The following FARP1 variants were observed in gnomAD, a reference collection of about 807,000 sequenced individuals.
FARP1 encodes FERM, ARHGEF and pleckstrin domain-containing protein 1.
Under a neutral mutation model 128.8 loss-of-function variants are expected in FARP1, and 52 were observed. That is an observed-to-expected ratio of 0.40 (90% CI 0.32 to 0.51). The LOEUF is 0.51. Ranked by LOEUF, FARP1 falls within the 20% of genes least tolerant of loss-of-function variation. The probability of loss-of-function intolerance (pLI) is 0.45; values close to 1 mark genes in which losing one functional copy is unlikely to be tolerated. For synonymous variants in FARP1, 580 were observed against 551.8 expected, an observed-to-expected ratio of 1.05 and a Z score of -0.72; for missense variants, 1,333 against 1,367.9, an observed-to-expected ratio of 0.97 and a Z score of 0.40.
At chr13:98,383,973 A>G (rs1199889841) in intron 6 of FARP1, 3 of 152,228 alleles carry the variant, frequency 2.0e-5, no homozygotes, top group Non-Finnish European at 4.4e-5. Flanking sequence ...TTTTCTCTGC[A>G]TGATAAAGCA....
Position 98,439,142 on chromosome 13 carries a change from G to T in FARP1, c.2379G>T (p.Leu793=). 2 of 1,614,000 alleles carry T rather than the reference G, an allele frequency of 1.2e-6. No individual in the cohort carries two copies. The highest frequency in any genetic ancestry group is 1.7e-6 in the Non-Finnish European group (2 of 1,179,940). The part of the protein sequence containing the change: ...NDVLLYTSRG[L]TASNQFKVHG... The stretch of plus-strand genomic sequence containing the variant: ...TCCTGCTATACACGAGCCGGGGGCT[G>T]ACGGCCTCCAATCAGTTTAAAGTCC... Residue 793 remains leucine, a synonymous_variant, in exon 21 of 27, where the codon CTG becomes CTT. Transcript: ENST00000319562.
At chr13:98,395,955 TAG>T (rs1890523742) in intron 13 of FARP1, 2 of 399,254 alleles carry the variant, frequency 5.0e-6, no homozygotes, top group Admixed American at 4.4e-5. Context: ...GACATGACCA[TAG>T]AGAGGGGAGT....
intron 2 of FARP1, among the ~76,000 whole-genome samples, chr13:98,276,073 C>G (rs1884642022): frequency 6.6e-6 from 1 of 152,168 alleles, no homozygotes; most frequent in Non-Finnish European, 1.5e-5. Context: ...TTCATGTTGA[C>G]ATCTCTGCAT....
At position 98,440,647 on chromosome 13, in the gene FARP1, C is replaced by A. The variant is rs371510294; in HGVS notation, c.2630-23C>A. ...GCGCTGGGAGGAAAGATCAGAAGTG[C>A]TGCCTTTTGCCCCATCCTGTAGAGT... is the stretch of plus-strand genomic sequence containing the variant. On this transcript the variant is annotated intron_variant, in intron 23 of 26. Transcript: ENST00000319562. 8 of 1,594,318 alleles carry A rather than the reference C, an allele frequency of 5.0e-6. No individual in the cohort carries two copies. The East Asian group carries it at 1.6e-4, about 31-fold the overall frequency.
intron 2 of FARP1, among the ~76,000 whole-genome samples, chr13:98,238,211 C>T (rs996169919): frequency 6.6e-6 from 1 of 152,204 alleles, no homozygotes; most frequent in South Asian, 2.1e-4. Flanking sequence ...GAAAGCATAT[C>T]TGCGAAACAG....
intron 2 of FARP1, among the ~76,000 whole-genome samples, chr13:98,326,112 T>C (rs985792923): frequency 3.3e-5 from 5 of 152,212 alleles, no homozygotes; most frequent in African/African-American, 9.6e-5. Flanking sequence ...CTTCGTCTGC[T>C]TGGTAATGAA....
At chr13:98,277,890 T>G (rs1228391993) in intron 2 of FARP1, among the ~76,000 whole-genome samples, 1 of 152,206 alleles carries the variant, frequency 6.6e-6, no homozygotes, top group Non-Finnish European at 1.5e-5. Flanking sequence ...GGCATTGTTA[T>G]TTCTGAAAAG....
chr13:98,258,946 G>A (rs1883741425), intron 2 of FARP1, among the ~76,000 whole-genome samples: 1 of 152,160 alleles, frequency 6.6e-6, no homozygotes, highest in East Asian at 1.9e-4. Flanking sequence ...GGTGGCTCAC[G>A]CCTGTAATCC....
At chr13:98,396,097 C>T in intron 13 of FARP1, 3 of 399,124 alleles carry the variant, frequency 7.5e-6, no homozygotes, top group East Asian at 3.6e-5. Flanking sequence ...CATCCTTAGC[C>T]AGGTAGCATT....
At chr13:98,441,981 A>T (rs1481512437) in intron 24 of FARP1, among the ~76,000 whole-genome samples, 1 of 152,154 alleles carries the variant, frequency 6.6e-6, no homozygotes, top group African/African-American at 2.4e-5. Flanking sequence ...TGTGTTTCAG[A>T]ACACTTCAAG....
chr13:98,301,082 G>C (rs1885904058), intron 2 of FARP1, among the ~76,000 whole-genome samples: 1 of 152,174 alleles, frequency 6.6e-6, no homozygotes, highest in South Asian at 2.1e-4. Flanking sequence ...GGCATCTTGA[G>C]GAAAGAGGCC....
chr13:98,190,061 C>T (rs558123478), intron 1 of FARP1, among the ~76,000 whole-genome samples: 2 of 152,322 alleles, frequency 1.3e-5, no homozygotes, highest in Admixed American at 6.5e-5. Flanking sequence ...CCCCCTCATC[C>T]CTGCACCGTT....
rs182669882 is a variant in FARP1, at chr13:98,331,898, C to T, written c.172-11864C>T. 4 of 152,286 alleles carry T rather than the reference C, an allele frequency of 2.6e-5. No homozygotes were observed. The East Asian group carries it at 7.7e-4, about 29-fold the overall frequency. The allele number at this position is 152,286 out of a possible 1,614,324, so 9.4% of individuals were successfully genotyped here. ...ACAGTTTTGCGCCTAATAGTAATAGCTTCATCTGTTGAAAATGACATCAAA... is the reference window on the plus strand; with the variant it reads ...ACAGTTTTGCGCCTAATAGTAATAGTTTCATCTGTTGAAAATGACATCAAA... On this transcript the variant is annotated intron_variant, in intron 2 of 26. Coordinates refer to ENST00000319562, the MANE Select transcript of FARP1 (RefSeq NM_005766.4).
At chr13:98,313,142 T>TA (rs1886555919) in intron 2 of FARP1, among the ~76,000 whole-genome samples, 1 of 81,496 alleles carries the variant, frequency 1.2e-5, no homozygotes, top group African/African-American at 4.6e-5. Context: ...ACACACACAC[T>TA]CACTCGAATC....
At chr13:98,168,171 CAAAA>C (rs61061654) in intron 1 of FARP1, among the ~76,000 whole-genome samples, 2 of 140,356 alleles carry the variant, frequency 1.4e-5, no homozygotes, top group African/African-American at 5.3e-5. Context: ...GACTCCATCT[CAAAA>C]AAAAAAAATA....
Position 98,176,398 on chromosome 13 carries a change from G to C in FARP1, c.-24+32906G>C. 1.9e-6 allele frequency: 3 copies of C among 1,614,212 alleles called. No individual in the cohort carries two copies. The highest frequency in any genetic ancestry group is 2.5e-6 in the Non-Finnish European group (3 of 1,180,042). On this transcript the variant is annotated intron_variant, in intron 1 of 26. Coordinates refer to ENST00000319562, the MANE Select transcript of FARP1 (RefSeq NM_005766.4). This position sits in a 1 kb window ranked among gnomAD's most constrained non-coding sequence, Gnocchi z 6.2. The stretch of plus-strand genomic sequence containing the variant: ...CGGGGTGGCCCGGAAGTGCTCCAGC[G>C]CGCAGCTCTCGCAGAAATAATGCCT...
intron 13 of FARP1, 68 bp downstream of exon 13, chr13:98,395,544 T>C (rs1890496187): frequency 6.7e-7 from 1 of 1,490,136 alleles, no homozygotes; most frequent in Non-Finnish European, 9.0e-7. Flanking sequence ...GTGACGTAGA[T>C]AGCGAATACG....
intron 8 of FARP1, 105 bp from the exon 9 acceptor site, chr13:98,388,278 G>GCCC: frequency 1.3e-6 from 1 of 775,070 alleles, no homozygotes; most frequent in Admixed American, 2.0e-5. Context: ...CTACTGAGCA[G>GCCC]TCGCCTGCCA....
chr13:98,301,267 G>T (rs539607882), intron 2 of FARP1, among the ~76,000 whole-genome samples: 1 of 152,126 alleles, frequency 6.6e-6, no homozygotes, highest in Non-Finnish European at 1.5e-5. Flanking sequence ...CTTTCTCTCT[G>T]TTGGACTTGT....
Sources: gnomAD v4.1 joint callset for allele counts (sites outside exome capture counted in the v4.1 genomes callset) on GRCh38, gnomAD v4.1.1 for gene constraint, Gnocchi (gnomAD v3.1) non-coding constraint, MANE v1.5 for transcripts, NCBI Gene and HGNC (gene_info 2026-07-23, HGNC 2026-07-21) for gene names.